The following DST variants were observed in gnomAD, a reference collection of about 807,000 sequenced individuals.
DST encodes the protein dystonin.
A neutral mutation model predicts 875.2 loss-of-function variants in DST; 253 were observed. The observed-to-expected ratio is 0.29, with a 90% CI of 0.26 to 0.32. DST has a LOEUF of 0.32. Ranked by LOEUF, DST falls within the 10% of genes least tolerant of loss-of-function variation. The probability of loss-of-function intolerance (pLI) is 1.00; values close to 1 mark genes in which losing one functional copy is unlikely to be tolerated. For missense variants in DST, 8,287 were observed against 9,111.6 expected (o/e 0.91, Z 3.68); for synonymous variants, 3,124 against 3,197.1 (o/e 0.98, Z 0.77).
At chr6:56,880,946 C>T (rs1781887603) in intron 3 of DST, among the ~76,000 whole-genome samples, 1 of 135,376 alleles carries the variant, frequency 7.4e-6, no homozygotes, top group African/African-American at 2.7e-5. Flanking sequence ...CTCCTGGGTT[C>T]ATGCCATTCT....
At chr6:56,614,958 T>C in intron 36 of DST, 1 of 993,672 alleles carries the variant, frequency 1.0e-6, no homozygotes, top group Non-Finnish European at 1.2e-6. Flanking sequence ...AGCTTTCAAG[T>C]GCGAAGACTT....
chr6:56,483,940 C>T (rs1321029961), intron 88 of DST: 1 of 152,100 alleles, frequency 6.6e-6, no homozygotes, highest in Non-Finnish European at 1.5e-5. Context: ...CACAAGCACA[C>T]ATGCAAATGG....
chr6:56,754,385 TTTCTAAG>T (rs2099596534), intron 4 of DST, among the ~76,000 whole-genome samples: 2 of 152,018 alleles, frequency 1.3e-5, no homozygotes, highest in South Asian at 4.1e-4. Context: ...TGACTGATTC[TTTCTAAG>T]TTCTATGTTC....
chr6:56,896,815 G>GT (rs1358303215), intron 3 of DST, among the ~76,000 whole-genome samples: 1 of 152,084 alleles, frequency 6.6e-6, no homozygotes, highest in Non-Finnish European at 1.5e-5. Context: ...GGGACTGTTT[G>GT]TTTTTTTCTT....
At chr6:56,922,096 A>G (rs1231104859) in intron 2 of DST, among the ~76,000 whole-genome samples, 1 of 152,148 alleles carries the variant, frequency 6.6e-6, no homozygotes, top group Non-Finnish European at 1.5e-5. Flanking sequence ...ATTGACTATT[A>G]AAATCTCTGT....
At chr6:56,691,310 T>C (rs1400719930) in intron 9 of DST, among the ~76,000 whole-genome samples, 1 of 152,164 alleles carries the variant, frequency 6.6e-6, no homozygotes, top group Non-Finnish European at 1.5e-5. Flanking sequence ...TTTTAAAATA[T>C]AACCACTGTA....
intron 3 of DST, among the ~76,000 whole-genome samples, chr6:56,873,215 T>G (rs935653873): frequency 7.2e-5 from 11 of 152,242 alleles, no homozygotes; most frequent in African/African-American, 2.4e-4. Context: ...TCTTGAGTTG[T>G]TTGAGTTCCT....
At chr6:56,460,063 AAAGGGACTTTAATCC>A in intron 103 of DST, 53 bp downstream of exon 103, 1 of 1,521,440 alleles carries the variant, frequency 6.6e-7, no homozygotes, top group Non-Finnish European at 8.9e-7. Flanking sequence ...ATGAGGAGGA[AAAGGGACTTTAATCC>A]TCAGATGACC....
intron 99 of DST, among the ~76,000 whole-genome samples, chr6:56,465,867 T>TAAAAAAAAAAAAAAAAAAGA (rs2094555582): frequency 8.9e-6 from 1 of 112,412 alleles, no homozygotes; most frequent in Non-Finnish European, 2.0e-5. Flanking sequence ...CCAGAAAAAG[T>TAAAAAAAAAAAAAAAAAAGA]AAAAAAAAAA....
chr6:56,803,079 T>C (rs772588538), intron 4 of DST, among the ~76,000 whole-genome samples: 2 of 152,214 alleles, frequency 1.3e-5, no homozygotes, highest in Admixed American at 1.3e-4. Flanking sequence ...CTAAATGCTT[T>C]ACATAAATCA....
At position 56,640,241 on chromosome 6, in the gene DST, G is replaced by A; in HGVS notation, c.2392C>T (p.Pro798Ser). The change falls in exon 18 of 104, where the codon CCC (proline) becomes TCC (serine). Residue 798 changes from proline to serine, a missense_variant. Pro to Ser is a moderately conservative substitution (Grantham distance 74, BLOSUM62 -1). Coordinates refer to ENST00000680361, the MANE Select transcript of DST (RefSeq NM_001374736.1). ...TCCAGCAAAGAAGACTTTAGAAGGG[G>A]TTTTCGGATCTGCATCAACTTCAAA... The part of the protein sequence containing the change: ...QTLKLMQIRK[P>S]LLKSSLLDQN... The A allele has an allele frequency of 6.2e-7, 1 of 1,614,150 alleles. No homozygotes were observed.
chr6:56,481,554 C>T (rs766868417), intron 90 of DST, among the ~76,000 whole-genome samples: 1 of 152,062 alleles, frequency 6.6e-6, no homozygotes, highest in Non-Finnish European at 1.5e-5. Context: ...ATTTAAAAGG[C>T]TCTTGATTAA....
intron 4 of DST, among the ~76,000 whole-genome samples, chr6:56,840,323 A>G (rs1233183049): frequency 2.0e-5 from 3 of 152,222 alleles, no homozygotes; most frequent in Non-Finnish European, 2.9e-5. Flanking sequence ...GTTTTGTATT[A>G]CACGGTATAT....
intron 4 of DST, among the ~76,000 whole-genome samples, chr6:56,750,081 TA>T (rs1386551193): frequency 1.3e-5 from 2 of 152,104 alleles, no homozygotes; most frequent in Non-Finnish European, 2.9e-5. Context: ...AGGCACACAT[TA>T]AATGTTAAGT....
At chr6:56,540,754 C>T (rs907075395) in intron 61 of DST, 5 of 152,538 alleles carry the variant, frequency 3.3e-5, no homozygotes, top group African/African-American at 1.2e-4. Context: ...CGTGGATTTC[C>T]CTTTGACCAT....
chr6:56,935,489 C>T (rs1270795160), intron 2 of DST, among the ~76,000 whole-genome samples: 1 of 152,224 alleles, frequency 6.6e-6, no homozygotes, highest in Admixed American at 6.5e-5. Flanking sequence ...TGCTTAATTA[C>T]TTCTTAATGT....
In DST at chr6:56,694,584, A is replaced by T. The variant is rs188863487; in HGVS notation, c.1047+5069T>A. 4.6e-5 allele frequency among the ~76,000 whole-genome samples: 7 copies of T among 152,262 alleles called. No homozygotes were observed. The East Asian group carries it at 1.3e-3, about 29-fold the overall frequency. On this transcript the variant is annotated intron_variant, in intron 9 of 103. Coordinates refer to ENST00000680361, the MANE Select transcript of DST (RefSeq NM_001374736.1). ...TGAGTGGTACATTATTCAAGAGACT[A>T]TAAATGTATAATGGCTGATATTTGT... is the stretch of plus-strand genomic sequence containing the variant.
At chr6:56,559,782 T>G (rs969446471) in intron 58 of DST, among the ~76,000 whole-genome samples, 4 of 152,094 alleles carry the variant, frequency 2.6e-5, no homozygotes, top group African/African-American at 7.2e-5. Context: ...TGTATACTCC[T>G]CTGTTTACAC....
At chr6:56,935,075 G>A (rs375006243) in intron 2 of DST, among the ~76,000 whole-genome samples, 13 of 151,926 alleles carry the variant, frequency 8.6e-5, no homozygotes, top group South Asian at 2.1e-4. Context: ...TAAAAGGCCC[G>A]TTGCCATAGT....
Sources: gnomAD v4.1 joint callset for allele counts (sites outside exome capture counted in the v4.1 genomes callset) on GRCh38, gnomAD v4.1.1 for gene constraint, MANE v1.5 for transcripts, NCBI Gene and HGNC (gene_info 2026-07-23, HGNC 2026-07-21) for gene names.